Variants in LYN observed in about 807,000 individuals in gnomAD.
LYN encodes LYN proto-oncogene, Src family tyrosine kinase.
Under a neutral mutation model 65.0 loss-of-function variants are expected in LYN, and 12 were observed. The ratio of observed to expected loss-of-function variants is 0.18; its 90% CI spans 0.12 to 0.30. The LOEUF (loss-of-function observed/expected upper bound fraction) is 0.30. LYN is among the 10% of genes least tolerant of loss of function. The pLI, the probability that LYN is intolerant of heterozygous loss-of-function variation, is 1.00. For missense variants in LYN, 380 were observed against 623.2 expected, an observed-to-expected ratio of 0.61 and a Z score of 4.16; for synonymous variants, 222 against 221.2, an observed-to-expected ratio of 1.00 and a Z score of -0.03.
chr8:55,882,133 T>C (rs1269386435), intron 1 of LYN, among the ~76,000 whole-genome samples: 1 of 152,170 alleles, frequency 6.6e-6, no homozygotes, highest in African/African-American at 2.4e-5. Context: ...TCAGCACCGC[T>C]CTTCTCTACT....
At position 55,982,108 on chromosome 8, in the gene LYN, G is replaced by A. The variant is rs540566450; in HGVS notation, c.1050+12315G>A. 4.6e-5 allele frequency among the ~76,000 whole-genome samples: 7 copies of A among 152,128 alleles called. No individual in the cohort carries two copies. In the South Asian group the frequency reaches 6.2e-4, roughly 14 times the overall value. Reference sequence around the variant, plus strand: ...AGAGTTCCCAGGGTGATGGGCTGGCGGATTCTTAACAAAGTCAGGATTTCC... The same window carrying A: ...AGAGTTCCCAGGGTGATGGGCTGGCAGATTCTTAACAAAGTCAGGATTTCC... On this transcript the variant is annotated intron_variant, in intron 10 of 12. Coordinates refer to ENST00000519728, the MANE Select transcript of LYN (RefSeq NM_002350.4).
chr8:55,965,756 G>A (rs1472707199), intron 8 of LYN, among the ~76,000 whole-genome samples: 2 of 152,034 alleles, frequency 1.3e-5, no homozygotes, highest in Non-Finnish European at 2.9e-5. Flanking sequence ...ATGTATGTAA[G>A]GGATTATAGC....
chr8:55,893,706 A>G (rs915798343), intron 1 of LYN: 2 of 152,236 alleles, frequency 1.3e-5, no homozygotes, highest in African/African-American at 4.8e-5. Context: ...AGTTCTCAAT[A>G]GCAAAACTGT....
intron 10 of LYN, among the ~76,000 whole-genome samples, chr8:55,971,821 C>T (rs899394005): frequency 7.2e-5 from 11 of 152,142 alleles, no homozygotes; most frequent in African/African-American, 2.7e-4. Context: ...TTTCTAACCT[C>T]GAAGAGTAAT....
intron 1 of LYN, among the ~76,000 whole-genome samples, chr8:55,884,906 G>A (rs1563492704): frequency 6.6e-6 from 1 of 152,102 alleles, no homozygotes; most frequent in Non-Finnish European, 1.5e-5. Context: ...TGAATTAGCT[G>A]GCAGCATTCC....
At chr8:55,989,684 C>T (rs375342192) in intron 10 of LYN, among the ~76,000 whole-genome samples, 2 of 152,282 alleles carry the variant, frequency 1.3e-5, no homozygotes, top group East Asian at 3.9e-4. Flanking sequence ...AAACCAAAAA[C>T]CATCTGAGAC....
chr8:56,008,124 A>AAAAAAAAAAATAAAT (rs1221275260), intron 12 of LYN, among the ~76,000 whole-genome samples: 5 of 86,638 alleles, frequency 5.8e-5, no homozygotes, highest in African/African-American at 1.6e-4. Flanking sequence ...GCCTCAAAAA[A>AAAAAAAAAAATAAAT]AAAATAAAAT....
chr8:55,920,293 G>A (rs998094445), intron 1 of LYN, among the ~76,000 whole-genome samples: 4 of 152,114 alleles, frequency 2.6e-5, no homozygotes, highest in East Asian at 1.9e-4. Flanking sequence ...AAATTACACC[G>A]CTTTCTTTGT....
chr8:55,952,168 A>G (rs546727741), intron 7 of LYN, 53 bp downstream of exon 7: 8 of 1,429,692 alleles, frequency 5.6e-6, no homozygotes, highest in Admixed American at 2.5e-5. Flanking sequence ...TATGATATGT[A>G]TAAGACGTCA....
chr8:55,937,272 A>G (rs1297923913), intron 1 of LYN, among the ~76,000 whole-genome samples: 4 of 152,202 alleles, frequency 2.6e-5, no homozygotes, highest in African/African-American at 4.8e-5. Flanking sequence ...AAATATATAT[A>G]CATATATATG....
chr8:55,997,063 A>C (rs1769204690), intron 10 of LYN, among the ~76,000 whole-genome samples: 1 of 151,774 alleles, frequency 6.6e-6, no homozygotes, highest in South Asian at 2.1e-4. Context: ...CGGGAGGCTG[A>C]GGAAGGAGAA....
At chr8:55,883,788 G>A (rs1468650941) in intron 1 of LYN, among the ~76,000 whole-genome samples, 1 of 152,156 alleles carries the variant, frequency 6.6e-6, no homozygotes, top group Non-Finnish European at 1.5e-5. Flanking sequence ...TAGGCCAACA[G>A]TATAGATATA....
chr8:55,940,373 T>C (rs918559403), intron 1 of LYN: 3 of 152,164 alleles, frequency 2.0e-5, no homozygotes, highest in African/African-American at 7.2e-5. Context: ...TATTTTTTTA[T>C]TATTTATTAT....
intron 8 of LYN, among the ~76,000 whole-genome samples, chr8:55,960,025 T>C (rs7839010): frequency 0.073 from 11,044 of 152,232 alleles, 794 homozygotes; most frequent in African/African-American, 0.19. Context: ...GGGAGTATGG[T>C]AGGAGTGACT....
rs949186848 is a variant in LYN at position 56,013,828 on chromosome 8, T to C, written c.*3718T>C. The C allele has an allele frequency of 6.6e-6, 1 of 152,238 alleles. No homozygotes were observed. Among genetic ancestry groups the C allele is most frequent in the Non-Finnish European group, 1.5e-5 (1 of 68,052 alleles). The allele number at this position is 152,238 out of a possible 1,614,324, so 9.4% of individuals were successfully genotyped here. A position where few individuals can be genotyped will look rare whatever the true frequency, so the allele number is the denominator to read the frequency against. ...CCAGCTTTCCTCTTAGCATCTTCCT[T>C]TATTTTCCACTTCTGGCTGGTGGAA... On this transcript the variant is annotated 3_prime_UTR_variant, in exon 13 of 13. Transcript: ENST00000519728.
rs1165041535 is a variant in LYN, at chr8:55,909,008, TATAC to T, written c.-6+28907_-6+28910del. ...GTGTATGTATATATATATATATATA[TATAC>T]ACACACACACACACACACACACACA... On this transcript the variant is annotated intron_variant, in intron 1 of 12. Transcript: ENST00000519728. Among the ~76,000 whole-genome samples the T allele has an allele frequency of 1.1e-3, 34 of 31,676 alleles. 3 individuals are homozygous for T. Among genetic ancestry groups the T allele is most frequent in the Non-Finnish European group, 1.7e-3 (29 of 17,436 alleles). 20.8% of individuals were successfully genotyped at this position (31,676 alleles called of 152,430 possible).
chr8:55,985,998 C>A (rs1006751112), intron 10 of LYN, among the ~76,000 whole-genome samples: 5 of 152,046 alleles, frequency 3.3e-5, no homozygotes, highest in Non-Finnish European at 4.4e-5. Flanking sequence ...GAGACCTCAT[C>A]TCTACAAAAA....
chr8:55,957,197 G>A (rs1231233173), intron 8 of LYN, among the ~76,000 whole-genome samples: 2 of 152,114 alleles, frequency 1.3e-5, no homozygotes, highest in African/African-American at 2.4e-5. Context: ...ATCTTCAGTT[G>A]TTCAAAGGAA....
At chr8:55,936,323 C>G (rs1054010990) in intron 1 of LYN, among the ~76,000 whole-genome samples, 1 of 152,166 alleles carries the variant, frequency 6.6e-6, no homozygotes, top group African/African-American at 2.4e-5. Flanking sequence ...AGAAAGGCAG[C>G]AAGACCTTGC....
Sources: gnomAD v4.1 joint callset for allele counts (sites outside exome capture counted in the v4.1 genomes callset) on GRCh38, gnomAD v4.1.1 for gene constraint, MANE v1.5 for transcripts, NCBI Gene and HGNC (gene_info 2026-07-23, HGNC 2026-07-21) for gene names.